Variants in ERGIC1 observed in about 807,000 individuals in gnomAD.
ERGIC1 encodes endoplasmic reticulum-golgi intermediate compartment 1, also known as endoplasmic reticulum-Golgi intermediate compartment protein 1.
A neutral mutation model predicts 38.3 loss-of-function variants in ERGIC1; 19 were observed. The observed-to-expected ratio is 0.50, with a 90% CI of 0.35 to 0.73. The LOEUF (loss-of-function observed/expected upper bound fraction) is 0.73, where lower values mean the gene tolerates loss of function less well. ERGIC1 is among the 30% of genes least tolerant of loss of function. ERGIC1 has a pLI of 0.01. For missense variants in ERGIC1, 294 were observed against 389.2 expected, an observed-to-expected ratio of 0.76 and a Z score of 2.06; for synonymous variants, 124 against 157.6, an observed-to-expected ratio of 0.79 and a Z score of 1.60.
intron 1 of ERGIC1, among the ~76,000 whole-genome samples, chr5:172,885,681 C>T (rs924485192): frequency 3.4e-5 from 5 of 148,126 alleles, no homozygotes; most frequent in East Asian, 2.0e-4. Context: ...GGAGTGAGGA[C>T]GAGACCCCTC....
In ERGIC1 at chr5:172,932,559, G is replaced by A. The variant is rs369644983; in HGVS notation, c.642+23G>A. On this transcript the variant is annotated intron_variant, in intron 8 of 9. Transcript: ENST00000393784. ...AAGGTGCGCGGGCGGTGGCTGGGCC[G>A]AGCTGTGTGCGGCGGCGCCCTCTGC... is the stretch of plus-strand genomic sequence containing the variant. 234 of 1,609,932 alleles carry A rather than the reference G, an allele frequency of 1.5e-4. 2 individuals carry two copies. The African/African-American group carries it at 2.5e-3, about 17-fold the overall frequency.
Position 172,834,389 on chromosome 5 carries a change from C to T in ERGIC1, c.-25C>T, listed in dbSNP as rs886734185. ...GCGCCGCGGCCCGCCTGGCCTGCAG[C>T]GCTCCCACCCCCGGCGGCGGCACGA... On this transcript the variant is annotated 5_prime_UTR_variant, in exon 1 of 10. Coordinates refer to ENST00000393784, the MANE Select transcript of ERGIC1 (RefSeq NM_001031711.3). This position sits in a 1 kb window ranked among gnomAD's most constrained non-coding sequence, Gnocchi z 4.1. The T allele has an allele frequency of 1.3e-5, 17 of 1,313,772 alleles. No individual in the cohort carries two copies. The African/African-American group carries it at 1.8e-4, about 14-fold the overall frequency. The allele number at this position is 1,313,772 out of a possible 1,614,324, so 81.4% of individuals were successfully genotyped here.
At chr5:172,925,292 C>G (rs1370229405) in intron 6 of ERGIC1, among the ~76,000 whole-genome samples, 1 of 152,054 alleles carries the variant, frequency 6.6e-6, no homozygotes, top group Non-Finnish European at 1.5e-5. Flanking sequence ...TGAGATAAAG[C>G]CATGTCACAT....
intron 1 of ERGIC1, among the ~76,000 whole-genome samples, chr5:172,836,692 G>A (rs1270307265): frequency 3.3e-5 from 5 of 152,190 alleles, no homozygotes; most frequent in South Asian, 4.1e-4. Context: ...AGGCCCCACC[G>A]TGAGGAGGTG....
chr5:172,879,795 G>C (rs1282852172), intron 1 of ERGIC1, among the ~76,000 whole-genome samples: 2 of 152,176 alleles, frequency 1.3e-5, no homozygotes, highest in African/African-American at 4.8e-5. Context: ...GAGCTTCCCA[G>C]CCTCAACCCT....
chr5:172,930,906 A>G (rs1280909718), intron 7 of ERGIC1, among the ~76,000 whole-genome samples: 1 of 152,218 alleles, frequency 6.6e-6, no homozygotes, highest in East Asian at 1.9e-4. Flanking sequence ...AGGGTTGAAC[A>G]GAGGGATGTT....
intron 1 of ERGIC1, among the ~76,000 whole-genome samples, chr5:172,847,026 A>G (rs1254610805): frequency 2.6e-5 from 4 of 152,216 alleles, no homozygotes; most frequent in African/African-American, 9.6e-5. Context: ...TCAGTGCTGT[A>G]ATGCAACACA....
intron 9 of ERGIC1, among the ~76,000 whole-genome samples, chr5:172,948,907 T>G (rs1764175591): frequency 2.0e-5 from 3 of 151,924 alleles, no homozygotes; most frequent in Non-Finnish European, 2.9e-5. Context: ...TAAAAAAAAT[T>G]AGCCAGGCAT....
rs539261539 is a variant in ERGIC1 at position 172,903,766 on chromosome 5, A to T, written c.156-5901A>T. ...ATTGTCCCCATTTTACATCTGGGGA[A>T]ACTGATGGATGGGAAGCCCCTTGCC... On this transcript the variant is annotated intron_variant, in intron 3 of 9. Transcript: ENST00000393784. Among the ~76,000 whole-genome samples the T allele has an allele frequency of 3.7e-4, 56 of 152,258 alleles. 1 individual carries two copies. The highest frequency in any genetic ancestry group is 1.5e-5 in the Non-Finnish European group (1 of 68,016).
At chr5:172,851,819 T>G (rs1761416586) in intron 1 of ERGIC1, among the ~76,000 whole-genome samples, 1 of 152,140 alleles carries the variant, frequency 6.6e-6, no homozygotes. Context: ...TACCAGCTCC[T>G]TGGGCCAGTC....
chr5:172,855,438 A>G (rs1257779197), intron 1 of ERGIC1, among the ~76,000 whole-genome samples: 1 of 152,148 alleles, frequency 6.6e-6, no homozygotes, highest in Non-Finnish European at 1.5e-5. Flanking sequence ...TTGCATGTTT[A>G]CTATGTGCTG....
chr5:172,925,238 A>G (rs562915659), intron 6 of ERGIC1, among the ~76,000 whole-genome samples: 3 of 152,260 alleles, frequency 2.0e-5, no homozygotes, highest in African/African-American at 7.2e-5. Flanking sequence ...ACTCCTCCCA[A>G]AAAAAGAAAA....
chr5:172,908,201 A>G (rs12517837), intron 3 of ERGIC1, among the ~76,000 whole-genome samples: 101,637 of 148,540 alleles, frequency 0.68, 35,128 homozygotes, highest in Non-Finnish European at 0.74. Context: ...TGGGTTAGCC[A>G]GGTGGACTGG....
intron 1 of ERGIC1, chr5:172,867,104 G>T (rs1005793918): frequency 2.0e-5 from 9 of 444,908 alleles, no homozygotes; most frequent in Non-Finnish European, 4.1e-5. Context: ...CCTTGGCTTG[G>T]CTTCAGGCTG....
chr5:172,949,529 T>C (rs1473145030), intron 9 of ERGIC1, among the ~76,000 whole-genome samples: 1 of 152,180 alleles, frequency 6.6e-6, no homozygotes, highest in Non-Finnish European at 1.5e-5. Flanking sequence ...GGCAGACAGT[T>C]ATGAAGTACA....
intron 1 of ERGIC1, among the ~76,000 whole-genome samples, chr5:172,844,995 A>G (rs1010703543): frequency 5.3e-5 from 8 of 151,804 alleles, no homozygotes; most frequent in African/African-American, 1.7e-4. Flanking sequence ...CAAGTCAGGT[A>G]GGAGCCATTT....
At chr5:172,892,889 G>A (rs1391197600) in intron 2 of ERGIC1, among the ~76,000 whole-genome samples, 1 of 152,184 alleles carries the variant, frequency 6.6e-6, no homozygotes, top group Admixed American at 6.5e-5. Context: ...GTGTGATCGG[G>A]ACCTTTGGAC....
chr5:172,931,857 C>CT (rs375589121), intron 7 of ERGIC1, among the ~76,000 whole-genome samples: 6,595 of 122,916 alleles, frequency 0.054, 385 homozygotes, highest in Middle Eastern at 0.095. Context: ...AGCACCCACA[C>CT]TTTTTTTTTT....
intron 1 of ERGIC1, among the ~76,000 whole-genome samples, chr5:172,839,370 TC>T (rs541220072): frequency 1.2e-3 from 145 of 122,024 alleles, no homozygotes; most frequent in African/African-American, 5.0e-3. Flanking sequence ...ACCAAGCTGG[TC>T]AACATAGCAA....
Sources: allele counts gnomAD v4.1 joint callset (sites outside exome capture counted in the v4.1 genomes callset), GRCh38; gene constraint gnomAD v4.1.1; non-coding constraint Gnocchi (gnomAD v3.1); transcripts MANE v1.5; gene names NCBI Gene and HGNC (gene_info 2026-07-23, HGNC 2026-07-21).